ATP9B: variants seen among roughly 807,000 people sequenced by gnomAD.
The protein encoded by ATP9B is probable phospholipid-transporting ATPase IIB.
Under a neutral mutation model 146.1 loss-of-function variants are expected in ATP9B, and 110 were observed. The observed-to-expected ratio is 0.75, with a 90% confidence interval of 0.65 to 0.88. The LOEUF is 0.88. ATP9B is among the 40% of genes least tolerant of loss of function. The pLI is 0.00. For missense variants in ATP9B, 1,499 were observed against 1,496.4 expected (o/e 1.00, Z -0.03); for synonymous variants, 604 against 569.7 (o/e 1.06, Z -0.86).
chr18:79,345,915 T>G, intron 23 of ATP9B, 76 bp downstream of exon 23: 1 of 1,506,706 alleles, frequency 6.6e-7, no homozygotes, highest in South Asian at 1.1e-5. Flanking sequence ...GCTGGGCCAC[T>G]GTACACTCAG....
At chr18:79,340,055 C>T (rs1459874541) in intron 19 of ATP9B, among the ~76,000 whole-genome samples, 1 of 152,088 alleles carries the variant, frequency 6.6e-6, no homozygotes, top group African/African-American at 2.4e-5. Flanking sequence ...GAGGCTCAAT[C>T]GAGCCCCAGA....
chr18:79,300,704 G>A (rs1172910181), intron 13 of ATP9B, among the ~76,000 whole-genome samples: 1 of 152,220 alleles, frequency 6.6e-6, no homozygotes, highest in Admixed American at 6.5e-5. Context: ...ACTGAGCAAG[G>A]ACTGGATGGA....
rs2148183926 is a variant in ATP9B, at chr18:79,195,880, G to A, written c.954+2617G>A. 1.3e-5 allele frequency among the ~76,000 whole-genome samples: 2 copies of A among 152,340 alleles called. 1 individual carries two copies. Among genetic ancestry groups the A allele is most frequent in the Middle Eastern group, 6.8e-3 (2 of 294 alleles). ...AAGATTGGCAAGAAATACTCAACATGAGAGTCTTGAAACAAAATCATGAAA... is the reference window on the plus strand; with the variant it reads ...AAGATTGGCAAGAAATACTCAACATAAGAGTCTTGAAACAAAATCATGAAA... On this transcript the variant is annotated intron_variant, in intron 9 of 29. Transcript: ENST00000426216.
At chr18:79,122,063 C>T (rs1165486488) in intron 4 of ATP9B, among the ~76,000 whole-genome samples, 2 of 152,114 alleles carry the variant, frequency 1.3e-5, no homozygotes. Flanking sequence ...TCTGAGGTCT[C>T]TTCCCTGGAA....
chr18:79,114,641 A>C (rs2094033154), intron 4 of ATP9B, among the ~76,000 whole-genome samples: 1 of 152,214 alleles, frequency 6.6e-6, no homozygotes, highest in Non-Finnish European at 1.5e-5. Flanking sequence ...GAGTAACTTT[A>C]TATGTAATAT....
At chr18:79,193,139 C>T in intron 8 of ATP9B, 44 bp from the exon 9 acceptor site, 1 of 1,382,846 alleles carries the variant, frequency 7.2e-7, no homozygotes, top group Non-Finnish European at 1.0e-6. Flanking sequence ...AGTAATTTTA[C>T]TAAACTATAA....
intron 6 of ATP9B, among the ~76,000 whole-genome samples, chr18:79,153,931 A>C (rs2094730123): frequency 6.7e-6 from 1 of 148,572 alleles, no homozygotes; most frequent in Non-Finnish European, 1.5e-5. Context: ...TACAGGGGTG[A>C]GCCACCATGG....
chr18:79,098,980 G>A (rs1024967185), intron 2 of ATP9B, among the ~76,000 whole-genome samples: 3 of 152,158 alleles, frequency 2.0e-5, no homozygotes, highest in Non-Finnish European at 4.4e-5. Flanking sequence ...GGAATACTGT[G>A]TAAGTGATGC....
chr18:79,092,215 T>C (rs1474599544), intron 1 of ATP9B, among the ~76,000 whole-genome samples: 2 of 152,216 alleles, frequency 1.3e-5, no homozygotes, highest in Admixed American at 6.5e-5. Flanking sequence ...AATTTCATTG[T>C]TGTGCAGCCA....
chr18:79,142,287 ATCTC>A (rs927553588), intron 5 of ATP9B, among the ~76,000 whole-genome samples: 5 of 152,242 alleles, frequency 3.3e-5, no homozygotes, highest in Admixed American at 6.5e-5. Context: ...AGAATAATAA[ATCTC>A]TCAGAAATGT....
At chr18:79,210,316 G>A (rs1041338797) in intron 10 of ATP9B, among the ~76,000 whole-genome samples, 1 of 152,222 alleles carries the variant, frequency 6.6e-6, no homozygotes, top group Non-Finnish European at 1.5e-5. Context: ...GTTGACAAAA[G>A]TGTGACGGGG....
At chr18:79,175,784 A>ATG (rs1192728066) in intron 7 of ATP9B, among the ~76,000 whole-genome samples, 30 of 152,122 alleles carry the variant, frequency 2.0e-4, no homozygotes, top group Non-Finnish European at 3.4e-4. Flanking sequence ...ACACACAGAT[A>ATG]CGCTTGTGCA....
intron 2 of ATP9B, among the ~76,000 whole-genome samples, chr18:79,104,599 T>A (rs973063942): frequency 5.4e-5 from 8 of 148,678 alleles, no homozygotes; most frequent in African/African-American, 1.6e-4. Context: ...ACAGCCAAAT[T>A]TTAGGTTTTA....
At chr18:79,072,684 G>A (rs373760481) in intron 1 of ATP9B, among the ~76,000 whole-genome samples, 5 of 147,264 alleles carry the variant, frequency 3.4e-5, no homozygotes, top group East Asian at 2.0e-4. Context: ...GAGACAAGGC[G>A]GCTGCCGGGT....
intron 5 of ATP9B, among the ~76,000 whole-genome samples, chr18:79,129,498 T>TC (rs1394487677): frequency 6.6e-6 from 1 of 151,884 alleles, no homozygotes; most frequent in Non-Finnish European, 1.5e-5. Context: ...TGTTTCCTCC[T>TC]CCCCCCTGCC....
chr18:79,206,723 G>A (rs1318251671), intron 9 of ATP9B, among the ~76,000 whole-genome samples: 1 of 152,160 alleles, frequency 6.6e-6, no homozygotes, highest in Non-Finnish European at 1.5e-5. Context: ...TTAATGTTAA[G>A]CATTGCAAGC....
intron 8 of ATP9B, 41 bp downstream of exon 8, chr18:79,176,948 G>T: frequency 6.5e-7 from 1 of 1,539,882 alleles, no homozygotes; most frequent in South Asian, 1.1e-5. Context: ...TATCTTCAAT[G>T]GTAGTTTCTA....
At chr18:79,229,181 A>G (rs1179878928) in intron 11 of ATP9B, among the ~76,000 whole-genome samples, 2 of 152,200 alleles carry the variant, frequency 1.3e-5, no homozygotes, top group Non-Finnish European at 2.9e-5. Flanking sequence ...AACTCACACT[A>G]GCATGTTATG....
chr18:79,069,430 T>G lies in ATP9B; in HGVS notation c.20T>G (p.Leu7Arg). The G allele has an allele frequency of 6.6e-7, 1 of 1,521,158 alleles. No individual in the cohort carries two copies. The highest frequency in any genetic ancestry group is 8.8e-7 in the Non-Finnish European group (1 of 1,138,262). The allele number at this position is 1,521,158 out of a possible 1,614,324, so 94.2% of individuals were successfully genotyped here. The change falls in exon 1 of 30, where the codon CTT (leucine) becomes CGT (arginine). Residue 7 changes from leucine (L) to arginine (R), a missense_variant. Coordinates refer to ENST00000426216, the MANE Select transcript of ATP9B (RefSeq NM_198531.5). MADQIP[L>R]YPVRSAAAAA... ...CGGAACATGGCGGACCAGATCCCGC[T>G]TTACCCGGTGCGTAGCGCAGCGGCG...
Sources: gnomAD v4.1 joint callset for allele counts (sites outside exome capture counted in the v4.1 genomes callset) on GRCh38, gnomAD v4.1.1 for gene constraint, MANE v1.5 for transcripts, NCBI Gene and HGNC (gene_info 2026-07-23, HGNC 2026-07-21) for gene names.